Variants in RIT2 observed in about 807,000 individuals in gnomAD.
RIT2 encodes the protein Ras like without CAAX 2.
RIT2 carries 24 observed loss-of-function variants against 23.7 expected under a neutral mutation model. The ratio of observed to expected loss-of-function variants is 1.01; its 90% CI spans 0.73 to 1.43. RIT2 has a LOEUF of 1.43. RIT2 is among the 40% of genes most tolerant of loss of function. RIT2 has a pLI of 0.00. For synonymous variants in RIT2, 107 were observed against 91.1 expected (o/e 1.17, Z -0.99); for missense variants, 236 against 266.9 (o/e 0.88, Z 0.81).
intron 4 of RIT2, among the ~76,000 whole-genome samples, chr18:42,783,844 A>T (rs1053826121): frequency 2.6e-5 from 4 of 152,066 alleles, no homozygotes; most frequent in African/African-American, 4.8e-5. Flanking sequence ...TATAATTCTA[A>T]CAAGCTGATG....
At position 42,905,924 on chromosome 18, in the gene RIT2, T is replaced by C. The variant is rs531272989; in HGVS notation, c.426+17648A>G. ...GGCTAAGGAGGAAAAAAAAAAAATATTTATAAGCAATGTTTTCCCATTTAT... is the reference window on the plus strand; with the variant it reads ...GGCTAAGGAGGAAAAAAAAAAAATACTTATAAGCAATGTTTTCCCATTTAT... On this transcript the variant is annotated intron_variant, in intron 4 of 4. Coordinates refer to ENST00000326695, the MANE Select transcript of RIT2 (RefSeq NM_002930.4). 1.9e-3 allele frequency among the ~76,000 whole-genome samples: 278 copies of C among 149,422 alleles called. 2 individuals carry two copies. The highest frequency in any genetic ancestry group is 6.4e-3 in the African/African-American group (259 of 40,744).
chr18:43,112,727 G>C (rs1048591611), intron 1 of RIT2, among the ~76,000 whole-genome samples: 5 of 151,974 alleles, frequency 3.3e-5, no homozygotes, highest in Admixed American at 3.3e-4. Flanking sequence ...AACATAGTGA[G>C]AGCCCATCTC....
chr18:43,025,825 C>A (rs575625614), intron 2 of RIT2, among the ~76,000 whole-genome samples: 31 of 151,874 alleles, frequency 2.0e-4, no homozygotes, highest in African/African-American at 7.2e-4. Flanking sequence ...ATTGAAGACT[C>A]CAAAAGGTGG....
chr18:43,097,250 T>C (rs1404453316), intron 1 of RIT2, among the ~76,000 whole-genome samples: 2 of 151,876 alleles, frequency 1.3e-5, no homozygotes, highest in African/African-American at 2.4e-5. Flanking sequence ...CTGTAGCTGC[T>C]GAGGACCAGG....
chr18:42,996,664 C>T (rs1453069220), intron 2 of RIT2, among the ~76,000 whole-genome samples: 9 of 151,616 alleles, frequency 5.9e-5, no homozygotes, highest in South Asian at 2.1e-4. Flanking sequence ...TTTTCCTTTA[C>T]CTACCCAAAT....
intron 1 of RIT2, among the ~76,000 whole-genome samples, chr18:43,042,566 C>T (rs4405631): frequency 0.058 from 8,778 of 152,232 alleles, 478 homozygotes; most frequent in East Asian, 0.25. Context: ...GCCTTCTCTG[C>T]GAGGTGTTCT....
intron 1 of RIT2, among the ~76,000 whole-genome samples, chr18:43,046,712 G>A (rs1912256347): frequency 6.6e-6 from 1 of 152,064 alleles, no homozygotes; most frequent in East Asian, 1.9e-4. Flanking sequence ...GGTAAATGAG[G>A]TTCTCCCTTT....
intron 3 of RIT2, among the ~76,000 whole-genome samples, chr18:42,958,582 T>A (rs1003224382): frequency 1.3e-5 from 2 of 152,114 alleles, no homozygotes. Context: ...TTGATAGGAA[T>A]CTGTTGGGAA....
intron 2 of RIT2, among the ~76,000 whole-genome samples, chr18:42,992,688 C>T (rs1910882164): frequency 6.6e-6 from 1 of 152,148 alleles, no homozygotes; most frequent in South Asian, 2.1e-4. Flanking sequence ...CAGCAATTTC[C>T]TCTTAAAAAG....
chr18:43,077,104 A>G (rs1167632837), intron 1 of RIT2, among the ~76,000 whole-genome samples: 2 of 101,224 alleles, frequency 2.0e-5, no homozygotes, highest in African/African-American at 7.4e-5. Context: ...CTCCGTCTCA[A>G]AAAAAAAAAA....
At chr18:42,989,835 A>T (rs1910797653) in intron 2 of RIT2, among the ~76,000 whole-genome samples, 1 of 152,220 alleles carries the variant, frequency 6.6e-6, no homozygotes, top group South Asian at 2.1e-4. Flanking sequence ...AGTGAATGTC[A>T]TCCCTACTTA....
At chr18:43,015,619 C>T (rs1184281139) in intron 2 of RIT2, among the ~76,000 whole-genome samples, 2 of 151,596 alleles carry the variant, frequency 1.3e-5, no homozygotes, top group East Asian at 2.0e-4. Flanking sequence ...GCTTACTTGA[C>T]TGTGAGAAGG....
Position 42,796,418 on chromosome 18 carries a change from G to A in RIT2, c.427-52698C>T, listed in dbSNP as rs557609860. On this transcript the variant is annotated intron_variant, in intron 4 of 4. Coordinates refer to ENST00000326695, the MANE Select transcript of RIT2 (RefSeq NM_002930.4). ...TAAGAGCTGTAACACTCACCGCGAG[G>A]GTCCGCGGCTTCATTCTTGAAGTCA... 5.9e-5 allele frequency among the ~76,000 whole-genome samples: 9 copies of A among 152,220 alleles called. No individual in the cohort carries two copies. The East Asian group carries it at 9.7e-4, about 16-fold the overall frequency.
chr18:42,752,409 G>A (rs892379988), intron 4 of RIT2, among the ~76,000 whole-genome samples: 2 of 152,028 alleles, frequency 1.3e-5, no homozygotes, highest in African/African-American at 4.8e-5. Context: ...GAAGCACAAT[G>A]GTAGAAAGGA....
intron 4 of RIT2, among the ~76,000 whole-genome samples, chr18:42,905,495 C>A (rs524298): frequency 2.0e-5 from 3 of 152,024 alleles, no homozygotes; most frequent in African/African-American, 4.8e-5. Flanking sequence ...TTTTTTGAGA[C>A]GGAGTCTCAC....
chr18:42,908,578 T>A (rs1256555449), intron 4 of RIT2, among the ~76,000 whole-genome samples: 2 of 152,044 alleles, frequency 1.3e-5, no homozygotes, highest in African/African-American at 4.8e-5. Flanking sequence ...AAAAAGCAGG[T>A]TTAATGACAG....
chr18:42,828,901 C>G (rs979948188), intron 4 of RIT2, among the ~76,000 whole-genome samples: 2 of 152,210 alleles, frequency 1.3e-5, no homozygotes, highest in Non-Finnish European at 2.9e-5. Context: ...CATAGACTAT[C>G]TTAAATAAAT....
chr18:43,113,566 C>A (rs1248137905), intron 1 of RIT2, among the ~76,000 whole-genome samples: 2 of 152,142 alleles, frequency 1.3e-5, no homozygotes, highest in African/African-American at 4.8e-5. Context: ...AATGATCTGT[C>A]AGCACAAATA....
At chr18:43,080,748 A>C (rs1216063163) in intron 1 of RIT2, among the ~76,000 whole-genome samples, 1 of 152,148 alleles carries the variant, frequency 6.6e-6, no homozygotes, top group Non-Finnish European at 1.5e-5. Context: ...GAAGACACCA[A>C]ATCCCAAGGC....
Sources: gnomAD v4.1 joint callset for allele counts (sites outside exome capture counted in the v4.1 genomes callset) on GRCh38, gnomAD v4.1.1 for gene constraint, MANE v1.5 for transcripts, NCBI Gene and HGNC (gene_info 2026-07-23, HGNC 2026-07-21) for gene names.